The following VWF variants were observed in gnomAD, a reference collection of about 807,000 sequenced individuals.
VWF encodes von Willebrand factor.
A neutral mutation model predicts 308.6 loss-of-function variants in VWF; 176 were observed. The ratio of observed to expected loss-of-function variants is 0.57; its 90% confidence interval spans 0.50 to 0.65. The LOEUF (loss-of-function observed/expected upper bound fraction) is 0.65, where lower values mean the gene tolerates loss of function less well. Ranked by LOEUF, VWF falls within the 30% of genes least tolerant of loss-of-function variation. The probability of loss-of-function intolerance (pLI) is 0.00; values close to 1 mark genes in which losing one functional copy is unlikely to be tolerated. For missense variants in VWF, 3,146 were observed against 3,648.2 expected, an observed-to-expected ratio of 0.86 and a Z score of 3.55; for synonymous variants, 1,385 against 1,443.4, an observed-to-expected ratio of 0.96 and a Z score of 0.92.
intron 41 of VWF, 41 bp from the exon 42 acceptor site, chr12:5,982,032 C>T (rs1565818131): frequency 6.3e-7 from 1 of 1,598,992 alleles, no homozygotes; most frequent in Non-Finnish European, 8.6e-7. Flanking sequence ...TGCGCCCAGC[C>T]AGGGCTCGTA....
At chr12:5,950,426 A>C (rs1465096140) in intron 50 of VWF, among the ~76,000 whole-genome samples, 1 of 152,044 alleles carries the variant, frequency 6.6e-6, no homozygotes, top group Non-Finnish European at 1.5e-5. Context: ...GGTTGCTGAC[A>C]TGGGGGTTTC....
In VWF at chr12:6,055,759, T is replaced by TACACACACACACAC. The variant is rs775653228; in HGVS notation, c.1945+1097_1945+1098insGTGTGTGTGTGTGT. ...CATCTACTTTATATATATATATATGTATACACACACACACACACACACACA... is the reference window on the plus strand; with the variant it reads ...CATCTACTTTATATATATATATATGTACACACACACACACATACACACACACACACACACACACA... On this transcript the variant is annotated intron_variant, in intron 15 of 51. Transcript: ENST00000261405. 6.7e-3 allele frequency among the ~76,000 whole-genome samples: 442 copies of TACACACACACACAC among 66,270 alleles called. 7 individuals are homozygous for TACACACACACACAC. The highest frequency in any genetic ancestry group is 0.014 in the Middle Eastern group (2 of 146). 43.5% of individuals were successfully genotyped at this position (66,270 alleles called of 152,430 possible).
chr12:6,003,269 G>A (rs928189998), intron 34 of VWF, among the ~76,000 whole-genome samples: 12 of 152,158 alleles, frequency 7.9e-5, no homozygotes, highest in Non-Finnish European at 1.2e-4. Flanking sequence ...ATTTATATAC[G>A]TCTATGTTTT....
intron 9 of VWF, among the ~76,000 whole-genome samples, chr12:6,071,777 G>C (rs1944785584): frequency 6.6e-6 from 1 of 152,230 alleles, no homozygotes; most frequent in Admixed American, 6.5e-5. Flanking sequence ...AGATAGCAAA[G>C]GGAGGAGGCC....
chr12:6,073,784 C>T (rs748585449), intron 7 of VWF, 43 bp from the exon 8 acceptor site: 1 of 1,612,618 alleles, frequency 6.2e-7, no homozygotes, highest in South Asian at 1.1e-5. Flanking sequence ...GCAGGTCCCA[C>T]CGGTGCATCA....
At position 6,092,620 on chromosome 12, in the gene VWF, T is replaced by TGAGTGAGA. The variant is rs1250915385; in HGVS notation, c.657+2839_657+2840insTCTCACTC. Among the ~76,000 whole-genome samples, 8 of 89,698 alleles carry TGAGTGAGA rather than the reference T, an allele frequency of 8.9e-5. 1 individual carries two copies. The highest frequency in any genetic ancestry group is 2.1e-4 in the Admixed American group (2 of 9,314). The allele number at this position is 89,698 out of a possible 152,430, so 58.8% of individuals were successfully genotyped here. A position where few individuals can be genotyped will look rare whatever the true frequency, so the allele number is the denominator to read the frequency against. ...CAGCTAGTTAGTGAGTGAGTGAGAG[T>TGAGTGAGA]GTGTGTGTGTGTGTGTGTGTGTGTG... On this transcript the variant is annotated intron_variant, in intron 6 of 51. Coordinates refer to ENST00000261405, the MANE Select transcript of VWF (RefSeq NM_000552.5).
rs141174823 is a variant in VWF at position 6,018,891 on chromosome 12, A to G, written c.4527T>C (p.Ile1509=). The change falls in exon 28 of 52, where the codon ATT becomes ATC. Residue 1509 remains isoleucine, a synonymous_variant. Coordinates refer to ENST00000261405, the MANE Select transcript of VWF (RefSeq NM_000552.5). The stretch of plus-strand genomic sequence containing the variant: ...TGCTCCTGTTGAAGTCGGCTTCACC[A>G]ATTTTGTCCGATCCTTCCAGGACGA... ...VAFVLEGSDK[I]GEADFNRSKE... 31 of 1,613,824 alleles carry G rather than the reference A, an allele frequency of 1.9e-5. No individual in the cohort carries two copies. In the Admixed American group the frequency reaches 2.0e-4, roughly 10 times the overall value.
intron 1 of VWF, among the ~76,000 whole-genome samples, 195 bp downstream of exon 1, chr12:6,124,226 G>A (rs1945462630): frequency 6.6e-6 from 1 of 152,178 alleles, no homozygotes; most frequent in Admixed American, 6.5e-5. Context: ...ACTGCATGAA[G>A]AAAAGCAGCC....
intron 6 of VWF, among the ~76,000 whole-genome samples, chr12:6,081,944 T>C (rs1318479660): frequency 9.2e-5 from 14 of 152,112 alleles, no homozygotes; most frequent in Admixed American, 9.2e-4. Flanking sequence ...GGCTTGGAAT[T>C]TATCGTTCTT....
chr12:6,066,664 G>C (rs545316212), intron 10 of VWF, among the ~76,000 whole-genome samples: 1 of 152,220 alleles, frequency 6.6e-6, no homozygotes, highest in African/African-American at 2.4e-5. Context: ...AATGTAAGAG[G>C]GTCCTACAGA....
chr12:5,953,864 A>G, intron 47 of VWF: 3 of 449,968 alleles, frequency 6.7e-6, no homozygotes, highest in East Asian at 4.2e-5. Context: ...TACAAATTCA[A>G]TTGTTTACTG....
chr12:6,107,653 AAT>A (rs1051159057), intron 5 of VWF, among the ~76,000 whole-genome samples: 1 of 151,218 alleles, frequency 6.6e-6, no homozygotes, highest in African/African-American at 2.4e-5. Flanking sequence ...AGAAAGATTC[AAT>A]ATATATATAT....
chr12:5,984,121 C>T (rs11063970), intron 40 of VWF, among the ~76,000 whole-genome samples: 11,454 of 152,234 alleles, frequency 0.075, 623 homozygotes, highest in East Asian at 0.25. Flanking sequence ...CTTGGATCCT[C>T]TAGACCTGTT....
At chr12:6,054,049 T>C (rs946890441) in intron 15 of VWF, among the ~76,000 whole-genome samples, 2 of 152,196 alleles carry the variant, frequency 1.3e-5, no homozygotes, top group Non-Finnish European at 2.9e-5. Flanking sequence ...TGGGCATGCT[T>C]CTTCTGAGAC....
At chr12:6,036,346 G>A (rs370580999) in intron 19 of VWF, 42 bp downstream of exon 19, 15 of 1,591,252 alleles carry the variant, frequency 9.4e-6, no homozygotes, top group Middle Eastern at 1.7e-4. Context: ...CACTCCACCC[G>A]CAGGGCCTGG....
chr12:5,954,929 T>C (rs1242252805), intron 47 of VWF, among the ~76,000 whole-genome samples: 2 of 152,208 alleles, frequency 1.3e-5, no homozygotes, highest in African/African-American at 4.8e-5. Context: ...AGCCTAGGGC[T>C]AAGAAAAATG....
intron 23 of VWF, 32 bp from the exon 24 acceptor site, chr12:6,025,725 C>T (rs1395340354): frequency 3.8e-6 from 5 of 1,311,054 alleles, no homozygotes; most frequent in Admixed American, 3.6e-5. Flanking sequence ...GGCCAGCCGT[C>T]AGCTGGTCAA....
intron 42 of VWF, 87 bp downstream of exon 42, chr12:5,981,675 TTGGATGGGTAGGTGGATGGATGAA>T: frequency 8.1e-7 from 1 of 1,227,694 alleles, no homozygotes; most frequent in Non-Finnish European, 1.2e-6. Flanking sequence ...TTAGCAAATA[TTGGATGGGTAGGTGGATGGATGAA>T]TGGATGGGTG....
In VWF at chr12:6,063,369, G is replaced by C. The variant is rs1944677579; in HGVS notation, c.1433-315C>G. 6.6e-6 allele frequency among the ~76,000 whole-genome samples: 1 copy of C among 152,168 alleles called. No homozygotes were observed. Among genetic ancestry groups the C allele is most frequent in the African/African-American group, 2.4e-5 (1 of 41,416 alleles). ...GGCTGTAGGCAGGTGCCCTGGAGCA[G>C]AGGGGGATCTCTTTAGCATTGACAC... is the stretch of plus-strand genomic sequence containing the variant. On this transcript the variant is annotated intron_variant, in intron 12 of 51. Transcript: ENST00000261405. This position sits in a 1 kb window ranked among gnomAD's most constrained non-coding sequence, Gnocchi z 4.9.
Sources: allele counts gnomAD v4.1 joint callset (sites outside exome capture counted in the v4.1 genomes callset), GRCh38; gene constraint gnomAD v4.1.1; non-coding constraint Gnocchi (gnomAD v3.1); transcripts MANE v1.5; gene names NCBI Gene and HGNC (gene_info 2026-07-23, HGNC 2026-07-21).